NEK10: variants seen among roughly 807,000 people sequenced by gnomAD.
The protein encoded by NEK10 is serine/threonine-protein kinase Nek10.
A neutral mutation model predicts 159.8 loss-of-function variants in NEK10; 122 were observed. The observed-to-expected ratio is 0.76, with a 90% CI of 0.66 to 0.89. The LOEUF (loss-of-function observed/expected upper bound fraction) is 0.89, where lower values mean the gene tolerates loss of function less well. Among genes scored for constraint, NEK10 ranks in the 40% least tolerant of loss-of-function variants. NEK10 has a pLI of 0.00. For synonymous variants in NEK10, 466 were observed against 457.1 expected, an observed-to-expected ratio of 1.02 and a Z score of -0.25; for missense variants, 1,342 against 1,323.1, an observed-to-expected ratio of 1.01 and a Z score of -0.22.
chr3:27,363,318 A>G (rs1341435557), intron 1 of NEK10, among the ~76,000 whole-genome samples: 11 of 152,200 alleles, frequency 7.2e-5, no homozygotes, highest in Non-Finnish European at 2.9e-5. Flanking sequence ...ATAAGTACAT[A>G]TTTCCATCTC....
chr3:27,331,262 A>AAAAAAAC lies in NEK10; in HGVS notation c.363-9002_363-9001insGTTTTTT. The stretch of plus-strand genomic sequence containing the variant: ...CAAAAAAAAAAAAACAAAAAAAAAA[A>AAAAAAAC]ACACACAAACCTAAGACTTTTGAGG... On this transcript the variant is annotated intron_variant, in intron 5 of 35. Transcript: ENST00000691995. Among the ~76,000 whole-genome samples, 81 of 110,082 alleles carry AAAAAAAC rather than the reference A, an allele frequency of 7.4e-4. 5 individuals carry two copies. The highest frequency in any genetic ancestry group is 1.3e-3 in the Non-Finnish European group (65 of 51,024). The allele number at this position is 110,082 out of a possible 152,430, so 72.2% of individuals were successfully genotyped here. A position where few individuals can be genotyped will look rare whatever the true frequency, so the allele number is the denominator to read the frequency against.
chr3:27,250,506 T>G (rs1955542615), intron 23 of NEK10, among the ~76,000 whole-genome samples: 1 of 152,128 alleles, frequency 6.6e-6, no homozygotes, highest in South Asian at 2.1e-4. Context: ...CTATTACCAG[T>G]GAGTTTTGTA....
intron 22 of NEK10, among the ~76,000 whole-genome samples, chr3:27,273,008 C>T (rs1458485776): frequency 6.6e-6 from 1 of 152,118 alleles, no homozygotes; most frequent in Non-Finnish European, 1.5e-5. Context: ...TTGGGAAAAG[C>T]CTCTGTGACA....
Position 27,106,854 on chromosome 3 carries a change from A to G in NEK10, c.*4418T>C, listed in dbSNP as rs1019189788. 2.6e-5 allele frequency among the ~76,000 whole-genome samples: 4 copies of G among 152,226 alleles called. No individual in the cohort carries two copies. The highest frequency in any genetic ancestry group is 9.6e-5 in the African/African-American group (4 of 41,466). ...CCTCCATACATAAAGACAAAATTCT[A>G]TCTTTGTTTAGGAGAAAGAAAGGTA... On this transcript the variant is annotated 3_prime_UTR_variant, in exon 36 of 36. Coordinates refer to ENST00000691995, the MANE Select transcript of NEK10 (RefSeq NM_001394966.1).
At chr3:27,127,120 T>G (rs1164790312) in intron 32 of NEK10, among the ~76,000 whole-genome samples, 1 of 152,148 alleles carries the variant, frequency 6.6e-6, no homozygotes, top group African/African-American at 2.4e-5. Context: ...GTCACCCAGT[T>G]AAAACATGTT....
intron 5 of NEK10, among the ~76,000 whole-genome samples, chr3:27,334,514 C>T (rs531855484): frequency 5.8e-4 from 89 of 152,268 alleles, no homozygotes; most frequent in Non-Finnish European, 1.0e-3. Flanking sequence ...CCACTGATGC[C>T]TCCCCAGGAG....
chr3:27,278,507 T>C (rs1005038172), intron 22 of NEK10, among the ~76,000 whole-genome samples: 3 of 152,230 alleles, frequency 2.0e-5, no homozygotes, highest in African/African-American at 7.2e-5. Context: ...TGATAAACTT[T>C]ACACTGAATC....
At chr3:27,129,348 T>C (rs1942348911) in intron 32 of NEK10, among the ~76,000 whole-genome samples, 1 of 152,038 alleles carries the variant, frequency 6.6e-6, no homozygotes, top group Non-Finnish European at 1.5e-5. Flanking sequence ...GAAGTTTCAG[T>C]GAGAAAGGTA....
At chr3:27,282,538 TTA>T (rs10525422) in intron 22 of NEK10, among the ~76,000 whole-genome samples, 1,195 of 42,156 alleles carry the variant, frequency 0.028, 209 homozygotes, top group African/African-American at 0.058. Context: ...CATAAATGTG[TTA>T]TATATATATA....
At chr3:27,166,424 G>A (rs1304417627) in intron 29 of NEK10, among the ~76,000 whole-genome samples, 1 of 152,164 alleles carries the variant, frequency 6.6e-6, no homozygotes, top group Non-Finnish European at 1.5e-5. Flanking sequence ...CTGTTGGAGT[G>A]AGACATTAGC....
intron 1 of NEK10, among the ~76,000 whole-genome samples, chr3:27,356,327 C>T (rs2048323917): frequency 6.6e-6 from 1 of 152,126 alleles, no homozygotes. Flanking sequence ...CCCTGGGCAA[C>T]ATACCAAGAC....
chr3:27,291,801 C>T (rs531216953), intron 16 of NEK10, among the ~76,000 whole-genome samples: 11 of 152,062 alleles, frequency 7.2e-5, no homozygotes, highest in African/African-American at 2.7e-4. Context: ...TGCCACCATG[C>T]CCGGCTAATT....
intron 10 of NEK10, among the ~76,000 whole-genome samples, chr3:27,308,341 T>G (rs2044406729): frequency 6.6e-6 from 1 of 152,152 alleles, no homozygotes; most frequent in Non-Finnish European, 1.5e-5. Context: ...GGGATTACAA[T>G]TCAAGATGAG....
At chr3:27,241,586 C>T (rs1455651506) in intron 23 of NEK10, among the ~76,000 whole-genome samples, 1 of 152,298 alleles carries the variant, frequency 6.6e-6, no homozygotes, top group East Asian at 1.9e-4. Flanking sequence ...GTTCTAATTG[C>T]CCACAGTGGT....
chr3:27,111,328 A>T lies in NEK10; in HGVS notation c.3300-8T>A, dbSNP rs768114453. The T allele has an allele frequency of 6.3e-7, 1 of 1,575,906 alleles. No homozygotes were observed. The highest frequency in any genetic ancestry group is 2.4e-5 in the East Asian group (1 of 42,440). On this transcript the variant is annotated splice_polypyrimidine_tract_variant and splice_region_variant and intron_variant, in intron 35 of 35. Transcript: ENST00000691995. ...CATGGATAGGAATGATACCTATAAG[A>T]TTCAGAAGTGGAAAGAATTCTCTAT...
At chr3:27,297,972 T>G (rs1282925488) in intron 13 of NEK10, among the ~76,000 whole-genome samples, 3 of 152,206 alleles carry the variant, frequency 2.0e-5, no homozygotes, top group Non-Finnish European at 4.4e-5. Flanking sequence ...AATGATCTTC[T>G]ATCATTGATA....
intron 1 of NEK10, among the ~76,000 whole-genome samples, chr3:27,355,659 G>T (rs542190058): frequency 1.1e-3 from 163 of 152,148 alleles, no homozygotes; most frequent in Non-Finnish European, 2.0e-3. Context: ...CCCCTCAAGA[G>T]TCTCTCTGCT....
At chr3:27,343,483 G>T (rs563533511) in intron 5 of NEK10, among the ~76,000 whole-genome samples, 1 of 152,132 alleles carries the variant, frequency 6.6e-6, no homozygotes, top group Admixed American at 6.5e-5. Flanking sequence ...TCACAACAAA[G>T]TGACAAGGAA....
Position 27,107,944 on chromosome 3 carries a change from C to A in NEK10, c.*3328G>T, listed in dbSNP as rs1939159708. ...ACATACATGCTATAATACATCAAAT[C>A]AAAAAGAGGAATGTGGGTTCTATGC... On this transcript the variant is annotated 3_prime_UTR_variant, in exon 36 of 36. Transcript: ENST00000691995. 6.6e-6 allele frequency among the ~76,000 whole-genome samples: 1 copy of A among 152,074 alleles called. No homozygotes were observed. The highest frequency in any genetic ancestry group is 2.4e-5 in the African/African-American group (1 of 41,404).
Sources: allele counts gnomAD v4.1 joint callset (sites outside exome capture counted in the v4.1 genomes callset), GRCh38; gene constraint gnomAD v4.1.1; transcripts MANE v1.5; gene names NCBI Gene and HGNC (gene_info 2026-07-23, HGNC 2026-07-21).